Variants in BLTP2 observed in about 807,000 individuals in gnomAD.
BLTP2 encodes bridge-like lipid transfer protein family member 2, also known as U937-associated antigen.
At chr17:28,639,590 G>T in the BLTP2 span, 3 of 1,614,136 alleles carry the variant, frequency 1.9e-6, no homozygotes, top group Non-Finnish European at 2.5e-6. Flanking sequence ...CACTAGCCTT[G>T]AGGGAGTTGA....
the BLTP2 span, chr17:28,621,460 G>A: frequency 1.9e-6 from 3 of 1,614,194 alleles, no homozygotes; most frequent in Non-Finnish European, 1.7e-6. Context: ...CCTGCACAGA[G>A]TCCAGACTAC....
the BLTP2 span, among the ~76,000 whole-genome samples, chr17:28,641,460 C>T: frequency 2.0e-5 from 3 of 151,740 alleles, no homozygotes; most frequent in East Asian, 3.9e-4. Flanking sequence ...GCTAACACGG[C>T]GAAATCCCGT....
the BLTP2 span, chr17:28,642,165 G>T: frequency 6.4e-7 from 1 of 1,570,736 alleles, no homozygotes; most frequent in Non-Finnish European, 8.8e-7. Context: ...ACTGGGTACT[G>T]ACTTGAGGGA....
At chr17:28,635,573 G>A in the BLTP2 span, 10 of 1,613,946 alleles carry the variant, frequency 6.2e-6, no homozygotes, top group East Asian at 2.2e-5. Context: ...TGATCTGGGG[G>A]GCTCCAAAGT....
At chr17:28,633,675 G>A in the BLTP2 span, 5 of 1,614,128 alleles carry the variant, frequency 3.1e-6, no homozygotes, top group Non-Finnish European at 2.5e-6. Context: ...TGGTCAAGAG[G>A]TCCACACACT....
At chr17:28,616,749 T>C in the BLTP2 span, 1 of 1,614,104 alleles carries the variant, frequency 6.2e-7, no homozygotes, top group Non-Finnish European at 8.5e-7. This position sits in a 1 kb window ranked among gnomAD's most constrained non-coding sequence, Gnocchi z 4.8. Flanking sequence ...AGGCACCACA[T>C]TTACCTAAAA....
At chr17:28,635,044 A>T in the BLTP2 span, 7 of 1,613,496 alleles carry the variant, frequency 4.3e-6, no homozygotes, top group Non-Finnish European at 5.9e-6. Context: ...TAGTCCCTTC[A>T]GCCACTTCTG....
the BLTP2 span, among the ~76,000 whole-genome samples, chr17:28,623,032 G>A: frequency 9.2e-5 from 14 of 152,166 alleles, no homozygotes; most frequent in African/African-American, 2.4e-4. Flanking sequence ...CTGAGTTCGC[G>A]CCATTGCACT....
chr17:28,630,261 A>G, the BLTP2 span, among the ~76,000 whole-genome samples: 1 of 152,052 alleles, frequency 6.6e-6, no homozygotes, highest in Non-Finnish European at 1.5e-5. Context: ...GACTCCAGCC[A>G]TCTTCCCACC....
the BLTP2 span, among the ~76,000 whole-genome samples, chr17:28,624,838 T>C: frequency 6.6e-6 from 1 of 152,162 alleles, no homozygotes; most frequent in African/African-American, 2.4e-5. Flanking sequence ...TTCTCCCAGG[T>C]CTAAGCTCCT....
chr17:28,637,068 G>A, the BLTP2 span: 54 of 1,614,068 alleles, frequency 3.3e-5, no homozygotes, highest in East Asian at 1.8e-4. Flanking sequence ...CATCTTCTCC[G>A]TGACTGATTT....
chr17:28,642,113 G>C, the BLTP2 span: 1 of 1,604,830 alleles, frequency 6.2e-7, no homozygotes, highest in Non-Finnish European at 8.5e-7. Context: ...GTGTATGTAA[G>C]AAAGTTTGGA....
At chr17:28,634,528 T>C in the BLTP2 span, 29 of 1,612,964 alleles carry the variant, frequency 1.8e-5, no homozygotes, top group Middle Eastern at 4.9e-4. Flanking sequence ...CAGAAAGCTC[T>C]TGACATTGCA....
the BLTP2 span, chr17:28,616,252 A>T: frequency 6.3e-7 from 1 of 1,595,034 alleles, no homozygotes; most frequent in Non-Finnish European, 8.6e-7. This position sits in a 1 kb window ranked among gnomAD's most constrained non-coding sequence, Gnocchi z 4.8. Flanking sequence ...GAAACTCAGG[A>T]CCCCAAACAT....
the BLTP2 span, chr17:28,635,648 G>A: frequency 6.4e-7 from 1 of 1,565,288 alleles, no homozygotes. Flanking sequence ...CAATTACCAT[G>A]TCACAAAACA....
chr17:28,641,956 C>A, the BLTP2 span: 1 of 1,614,190 alleles, frequency 6.2e-7, no homozygotes, highest in Non-Finnish European at 8.5e-7. Flanking sequence ...GGAAGAGGCC[C>A]TCATGCAGTT....
At chr17:28,640,218 C>A in the BLTP2 span, among the ~76,000 whole-genome samples, 3 of 152,050 alleles carry the variant, frequency 2.0e-5, no homozygotes, top group South Asian at 2.1e-4. Context: ...CACAGTGAAA[C>A]CCTGCCTCTA....
the BLTP2 span, among the ~76,000 whole-genome samples, chr17:28,641,008 TCA>T: frequency 1.3e-5 from 2 of 152,250 alleles, no homozygotes; most frequent in African/African-American, 2.4e-5. Context: ...TTCCTAGGCT[TCA>T]GTTTCCTTAT....
the BLTP2 span, chr17:28,634,905 G>T: frequency 3.7e-6 from 6 of 1,613,848 alleles, no homozygotes; most frequent in Non-Finnish European, 5.1e-6. Context: ...TCATCAGCTC[G>T]TAGTTATCAT....
Sources: gnomAD v4.1 joint callset for allele counts (sites outside exome capture counted in the v4.1 genomes callset) on GRCh38, gnomAD v4.1.1 for gene constraint, Gnocchi (gnomAD v3.1) non-coding constraint, MANE v1.5 for transcripts, NCBI Gene and HGNC (gene_info 2026-07-23, HGNC 2026-07-21) for gene names.